The following UNC5B variants were observed in gnomAD, a reference collection of about 807,000 sequenced individuals.
The protein encoded by UNC5B is netrin receptor UNC5B.
UNC5B carries 56 observed loss-of-function variants against 103.7 expected under a neutral mutation model. The observed-to-expected ratio is 0.54, with a 90% CI of 0.44 to 0.67. UNC5B has a LOEUF of 0.67. Among genes scored for constraint, UNC5B ranks in the 30% least tolerant of loss-of-function variants. The pLI, the probability that UNC5B is intolerant of heterozygous loss-of-function variation, is 0.00. For synonymous variants in UNC5B, 577 were observed against 542.0 expected, an observed-to-expected ratio of 1.06 and a Z score of -0.90; for missense variants, 1,194 against 1,284.5, an observed-to-expected ratio of 0.93 and a Z score of 1.08.
intron 1 of UNC5B, among the ~76,000 whole-genome samples, chr10:71,230,049 C>T (rs528138534): frequency 2.6e-5 from 4 of 152,316 alleles, no homozygotes; most frequent in African/African-American, 9.6e-5. Flanking sequence ...TCCTGACCTA[C>T]ACTGTTATCA....
chr10:71,231,221 C>G (rs1220018858), intron 1 of UNC5B, among the ~76,000 whole-genome samples: 1 of 152,208 alleles, frequency 6.6e-6, no homozygotes, highest in African/African-American at 2.4e-5. Context: ...TGGCCTCTTC[C>G]AAGCATTTCC....
At chr10:71,260,563 A>G (rs1844394173) in intron 1 of UNC5B, among the ~76,000 whole-genome samples, 1 of 152,154 alleles carries the variant, frequency 6.6e-6, no homozygotes. Context: ...GCCCTTGGTC[A>G]TCTGGGGGAG....
At chr10:71,296,466 TGG>T in intron 14 of UNC5B, 110 bp from the exon 15 acceptor site, 2 of 1,250,322 alleles carry the variant, frequency 1.6e-6, no homozygotes, top group Non-Finnish European at 2.2e-6. Flanking sequence ...CCTATCTGGG[TGG>T]AGAGGCCTGA....
intron 3 of UNC5B, 130 bp downstream of exon 3, chr10:71,284,993 TC>T: frequency 7.5e-7 from 1 of 1,337,408 alleles, no homozygotes; most frequent in Non-Finnish European, 1.0e-6. Context: ...GGCAGAGACA[TC>T]CCAGCACATG....
In UNC5B at chr10:71,257,361, G is replaced by A. The variant is rs111601035; in HGVS notation, c.80-22460G>A. Among the ~76,000 whole-genome samples, 677 of 152,384 alleles carry A rather than the reference G, an allele frequency of 4.4e-3. 5 individuals are homozygous for A. The highest frequency in any genetic ancestry group is 0.015 in the African/African-American group (643 of 41,600). ...GGGAAGTTCAGGTTGAGAGAAAGCCGAAGGGAAGAAGAGACGCCCACCTCA... is the reference window on the plus strand; with the variant it reads ...GGGAAGTTCAGGTTGAGAGAAAGCCAAAGGGAAGAAGAGACGCCCACCTCA... On this transcript the variant is annotated intron_variant, in intron 1 of 16. Transcript: ENST00000335350.
chr10:71,268,578 A>C (rs1310719231), intron 1 of UNC5B, among the ~76,000 whole-genome samples: 1 of 152,230 alleles, frequency 6.6e-6, no homozygotes, highest in African/African-American at 2.4e-5. Context: ...TGCTGACAGC[A>C]GGCAACAGGC....
chr10:71,217,651 A>T (rs1322930091), intron 1 of UNC5B: 1 of 152,360 alleles, frequency 6.6e-6, no homozygotes, highest in African/African-American at 2.4e-5. Flanking sequence ...GGCAGCGAAA[A>T]TATTTGCTGA....
intron 1 of UNC5B, among the ~76,000 whole-genome samples, chr10:71,278,753 C>T (rs1447524437): frequency 6.6e-6 from 1 of 152,262 alleles, no homozygotes; most frequent in African/African-American, 2.4e-5. Context: ...GGGCCTCTAG[C>T]TGGAGGGGCT....
At chr10:71,249,801 G>C (rs1478141071) in intron 1 of UNC5B, among the ~76,000 whole-genome samples, 1 of 152,198 alleles carries the variant, frequency 6.6e-6, no homozygotes, top group Non-Finnish European at 1.5e-5. Flanking sequence ...GGAACAGATA[G>C]GTTACTTAGA....
chr10:71,291,668 T>G lies in UNC5B; in HGVS notation c.1531T>G (p.Tyr511Asp), dbSNP rs1448192427. 3.1e-6 allele frequency: 5 copies of G among 1,613,768 alleles called. No individual in the cohort carries two copies. The highest frequency in any genetic ancestry group is 3.4e-6 in the Non-Finnish European group (4 of 1,180,038). ...GCTGGGGGTCTTGCCGCCTGGCACA[T>G]ACCCTAGCGATTTCGCCCGGGACAC... ...DLLGVLPPGT[Y>D]PSDFARDTHF... Residue 511 changes from tyrosine to aspartate, a missense_variant, in exon 10 of 17, where the codon TAC becomes GAC. Tyr to Asp is a radical substitution (Grantham distance 160). Transcript: ENST00000335350.
rs768112292 is a variant in UNC5B at position 71,293,566 on chromosome 10, A to C, written c.1934A>C (p.His645Pro). The C allele has an allele frequency of 6.2e-7, 1 of 1,613,836 alleles. No homozygotes were observed. The highest frequency in any genetic ancestry group is 2.2e-5 in the East Asian group (1 of 44,878). Residue 645 changes from histidine to proline, a missense_variant, in exon 12 of 17, where the codon CAC becomes CCC. His to Pro is a moderately conservative substitution (Grantham distance 77). Coordinates refer to ENST00000335350, the MANE Select transcript of UNC5B (RefSeq NM_170744.5). ...FQLKTQAHQG[H>P]WEEVVTLDEE... ...CTCAAGACCCAGGCCCACCAGGGCC[A>C]CTGGGAGGTGAGGAGCCACGGTGAA... is the stretch of plus-strand genomic sequence containing the variant.
chr10:71,288,542 T>A, intron 6 of UNC5B, 26 bp from the exon 7 acceptor site: 2 of 1,602,302 alleles, frequency 1.2e-6, no homozygotes, highest in South Asian at 2.2e-5. Flanking sequence ...TGCGTGCACA[T>A]GCTCCTGTAT....
intron 1 of UNC5B, among the ~76,000 whole-genome samples, chr10:71,255,214 A>G (rs1844263137): frequency 1.3e-5 from 2 of 152,234 alleles, no homozygotes; most frequent in South Asian, 4.1e-4. Context: ...TTACTCTGGT[A>G]AATAACACTG....
At chr10:71,289,085 G>A in intron 8 of UNC5B, 95 bp downstream of exon 8, 1 of 1,558,138 alleles carries the variant, frequency 6.4e-7, no homozygotes, top group Non-Finnish European at 8.8e-7. Flanking sequence ...GGCAGGGAGA[G>A]CTGAAGGTGC....
At chr10:71,234,078 G>T (rs976356720) in intron 1 of UNC5B, among the ~76,000 whole-genome samples, 10 of 152,196 alleles carry the variant, frequency 6.6e-5, no homozygotes, top group African/African-American at 2.4e-4. Flanking sequence ...AGCCGGTTAG[G>T]TCAAGTGTGA....
chr10:71,299,119 A>C lies in UNC5B; in HGVS notation c.2680A>C (p.Asn894His). ...CCTCCTTCCCTCTGCCAGGTACCTG[A>C]ATTACTTTGCCACCAAAGCGAGCCC... Reference protein sequence around the residue: ...AQKLSMDRYLNYFATKASPTG... With the variant: ...AQKLSMDRYLHYFATKASPTG... The change falls in exon 17 of 17, where the codon AAT becomes CAT. Residue 894 changes from asparagine to histidine, a missense_variant. Physicochemically the swap from Asn to His is moderately conservative, Grantham distance 68 (BLOSUM62 1). Transcript: ENST00000335350. 6.2e-7 allele frequency: 1 copy of C among 1,614,200 alleles called. No individual in the cohort carries two copies. The highest frequency in any genetic ancestry group is 1.1e-5 in the South Asian group (1 of 91,080).
chr10:71,264,733 C>T (rs1014088430), intron 1 of UNC5B, among the ~76,000 whole-genome samples: 3 of 152,122 alleles, frequency 2.0e-5, no homozygotes, highest in African/African-American at 7.2e-5. Context: ...AGGCCCACCC[C>T]ACACCGACTG....
intron 1 of UNC5B, among the ~76,000 whole-genome samples, chr10:71,228,072 G>C (rs1484529891): frequency 6.6e-6 from 1 of 152,194 alleles, no homozygotes; most frequent in Non-Finnish European, 1.5e-5. Flanking sequence ...CGGAAATACA[G>C]TACATAACAA....
intron 1 of UNC5B, among the ~76,000 whole-genome samples, chr10:71,260,487 AG>A (rs1844392122): frequency 6.6e-6 from 1 of 152,152 alleles, no homozygotes; most frequent in Non-Finnish European, 1.5e-5. Context: ...CTGCTGGGTG[AG>A]GCAGGCACCT....
Sources: allele counts gnomAD v4.1 joint callset (sites outside exome capture counted in the v4.1 genomes callset), GRCh38; gene constraint gnomAD v4.1.1; transcripts MANE v1.5; gene names NCBI Gene and HGNC (gene_info 2026-07-23, HGNC 2026-07-21).